Variants in TEX15 observed in about 807,000 individuals in gnomAD.
TEX15 encodes testis expressed 15, meiosis and synapsis associated, also known as testis-expressed protein 15.
In TEX15, 171 loss-of-function variants were observed where a neutral mutation model predicts 237.3. The observed-to-expected ratio is 0.72, with a 90% confidence interval of 0.64 to 0.82. The LOEUF (loss-of-function observed/expected upper bound fraction) is 0.82. Among genes scored for constraint, TEX15 ranks in the 40% least tolerant of loss-of-function variants. The pLI, the probability that TEX15 is intolerant of heterozygous loss-of-function variation, is 0.00. For missense variants in TEX15, 3,750 were observed against 3,646.5 expected, an observed-to-expected ratio of 1.03 and a Z score of -0.73; for synonymous variants, 1,338 against 1,269.8, an observed-to-expected ratio of 1.05 and a Z score of -1.14.
rs756300603 is a variant in TEX15, at chr8:30,847,979, CCA to C, written c.2186_2187del (p.Val729GlyfsTer3). 1 of 1,613,868 alleles carries C rather than the reference CCA, an allele frequency of 6.2e-7. No homozygotes were observed. Among genetic ancestry groups the C allele is most frequent in the African/African-American group, 1.3e-5 (1 of 75,038 alleles). ...CTTGTATGAATGTTACCCTCATACTCCACAGAGTGCTGAGGATGCTTTTGTGA... is the reference window on the plus strand; with the variant it reads ...CTTGTATGAATGTTACCCTCATACTCCAGAGTGCTGAGGATGCTTTTGTGA... The part of the protein sequence containing the change: ...SLSQKHPQHS[V>X]EYEGNIHTSL... On this transcript the variant is annotated frameshift_variant, in exon 8 of 11. Coordinates refer to ENST00000643185, the MANE Select transcript of TEX15 (RefSeq NM_001350162.2). LOFTEE classifies it high-confidence loss of function.
chr8:30,882,514 C>T (rs1270876138), intron 3 of TEX15, among the ~76,000 whole-genome samples: 1 of 152,126 alleles, frequency 6.6e-6, no homozygotes, highest in Non-Finnish European at 1.5e-5. Context: ...TCCCAATCTC[C>T]TGACCTTGTG....
At chr8:30,891,185 TTGCACTGTG>T (rs1808786622) in intron 2 of TEX15, among the ~76,000 whole-genome samples, 1 of 152,124 alleles carries the variant, frequency 6.6e-6, no homozygotes, top group Non-Finnish European at 1.5e-5. Flanking sequence ...TTTGTCCTCA[TTGCACTGTG>T]TGGGGTGAGT....
intron 2 of TEX15, among the ~76,000 whole-genome samples, chr8:30,889,954 C>CATATATATATATATACATATAT: frequency 9.1e-6 from 1 of 110,086 alleles, no homozygotes; most frequent in African/African-American, 4.5e-5. Context: ...TATATATATA[C>CATATATATATATATACATATAT]ATATATATAT....
Position 30,836,995 on chromosome 8 carries a change from A to C in TEX15, c.9289T>G (p.Phe3097Val). ...THSNLLYSQY[F>V]TYFAGEPQAN... The stretch of plus-strand genomic sequence containing the variant: ...TGTGGCTCCCCCGCAAAATAAGTAA[A>C]ATATTGAGAGTACAGAAGATTAGAA... The change falls in exon 10 of 11, where the codon TTT (phenylalanine) becomes GTT (valine). Residue 3097 changes from phenylalanine (F) to valine (V), a missense_variant. By Grantham distance (50) the Phe-to-Val change is conservative. Coordinates refer to ENST00000643185, the MANE Select transcript of TEX15 (RefSeq NM_001350162.2). 1 of 1,614,116 alleles carries C rather than the reference A, an allele frequency of 6.2e-7. No individual in the cohort carries two copies. The highest frequency in any genetic ancestry group is 2.2e-5 in the East Asian group (1 of 44,880).
chr8:30,848,832 T>C lies in TEX15; in HGVS notation c.1335A>G (p.Glu445=), dbSNP rs781656109. ...CATTTAAGCCTGCAGTACTACTCTG[T>C]TCTCCCATACTTTCTTCTCTCCTCA... ...RLMRREESMG[E]QSSTAGLNEV... Residue 445 remains glutamate, a synonymous_variant, in exon 8 of 11, where the codon GAA becomes GAG. Transcript: ENST00000643185. 5.0e-6 allele frequency: 8 copies of C among 1,614,220 alleles called. No homozygotes were observed. The highest frequency in any genetic ancestry group is 6.8e-6 in the Non-Finnish European group (8 of 1,180,042).
chr8:30,910,860 C>A (rs1224835656), intron 1 of TEX15, among the ~76,000 whole-genome samples: 2 of 151,946 alleles, frequency 1.3e-5, no homozygotes, highest in Non-Finnish European at 2.9e-5. Context: ...AATATCTTTG[C>A]AATAAGGTAA....
At chr8:30,863,741 A>C (rs1808100178) in intron 5 of TEX15, among the ~76,000 whole-genome samples, 1 of 152,192 alleles carries the variant, frequency 6.6e-6, no homozygotes, top group Non-Finnish European at 1.5e-5. Flanking sequence ...CACAGAGGGA[A>C]AAGTGCAGGC....
intron 5 of TEX15, among the ~76,000 whole-genome samples, chr8:30,864,743 A>G (rs1334916481): frequency 6.6e-6 from 1 of 152,004 alleles, no homozygotes; most frequent in African/African-American, 2.4e-5. Context: ...TGGTGTATAA[A>G]CCATCTTTTT....
chr8:30,895,196 T>C (rs115967045), intron 2 of TEX15, among the ~76,000 whole-genome samples: 3 of 147,626 alleles, frequency 2.0e-5, no homozygotes, highest in African/African-American at 7.5e-5. Context: ...AAATATGTAG[T>C]ATAATGACTT....
chr8:30,842,943 T>C lies in TEX15; in HGVS notation c.7224A>G (p.Leu2408=). 6.2e-7 allele frequency: 1 copy of C among 1,610,768 alleles called. No homozygotes were observed. Among genetic ancestry groups the C allele is most frequent in the Non-Finnish European group, 8.5e-7 (1 of 1,178,702 alleles). The change falls in exon 8 of 11, where the codon CTA becomes CTG. Residue 2408 remains leucine, a synonymous_variant. Transcript: ENST00000643185. ...AAATATTATCCATGTTATTATCTTG[T>C]AGCATCTGAAAGTATTTTTTTAAAA... ...LEILKKYFQM[L]QDNNMDNIFI...
chr8:30,836,362 C>T (rs182010025), intron 10 of TEX15, among the ~76,000 whole-genome samples: 38 of 151,706 alleles, frequency 2.5e-4, no homozygotes, highest in East Asian at 1.7e-3. Context: ...TACAGGTGTG[C>T]GCCACCATGC....
Position 30,845,875 on chromosome 8 carries a change from C to A in TEX15, c.4292G>T (p.Gly1431Val). ...NNFWESCDLQ[G>V]YSSVSQRKYY... ...TTTTCTTTGAGACACAGAACTATAA[C>A]CTTGAAGGTCACAACTTTCCCAGAA... Residue 1431 changes from glycine (G) to valine (V), a missense_variant, in exon 8 of 11, where the codon GGT becomes GTT. Physicochemically the swap from Gly to Val is moderately radical, Grantham distance 109 (BLOSUM62 -3). Coordinates refer to ENST00000643185, the MANE Select transcript of TEX15 (RefSeq NM_001350162.2). 1.2e-6 allele frequency: 2 copies of A among 1,613,086 alleles called. No individual in the cohort carries two copies. The highest frequency in any genetic ancestry group is 8.5e-7 in the Non-Finnish European group (1 of 1,179,550).
intron 4 of TEX15, among the ~76,000 whole-genome samples, chr8:30,869,861 CA>C (rs1387723023): frequency 9.2e-5 from 14 of 151,962 alleles, no homozygotes; most frequent in African/African-American, 3.4e-4. Flanking sequence ...CTAGCATATA[CA>C]AAGTACTCTT....
At chr8:30,874,223 A>C (rs896529176) in intron 4 of TEX15, among the ~76,000 whole-genome samples, 1 of 152,186 alleles carries the variant, frequency 6.6e-6, no homozygotes, top group African/African-American at 2.4e-5. Context: ...GAACAAGCCA[A>C]AACATTCCAA....
Position 30,844,405 on chromosome 8 carries a change from T to C in TEX15, c.5762A>G (p.Lys1921Arg), listed in dbSNP as rs1277292926. ...TTTAATTTCCCCCTTCTTCTCTCTT[T>C]TGTTAAGCGGATTAGAAACTGTGTT... is the stretch of plus-strand genomic sequence containing the variant. ...LKNTVSNPLN[K>R]REKKGEIKVS... The change falls in exon 8 of 11, where the codon AAA (lysine) becomes AGA (arginine). Residue 1921 changes from lysine (K) to arginine (R), a missense_variant. Transcript: ENST00000643185. 1 of 1,610,928 alleles carries C rather than the reference T, an allele frequency of 6.2e-7. No individual in the cohort carries two copies. Among genetic ancestry groups the C allele is most frequent in the Non-Finnish European group, 8.5e-7 (1 of 1,178,896 alleles).
intron 5 of TEX15, among the ~76,000 whole-genome samples, chr8:30,866,538 T>A (rs942534398): frequency 1.9e-4 from 29 of 152,282 alleles, no homozygotes; most frequent in South Asian, 1.7e-3. Flanking sequence ...TCTCATTTTT[T>A]AAAAATTTAA....
chr8:30,837,881 T>TA lies in TEX15; in HGVS notation c.8402dup (p.Leu2801PhefsTer6), dbSNP rs760604179. On this transcript the variant is annotated frameshift_variant, in exon 10 of 11. Coordinates refer to ENST00000643185, the MANE Select transcript of TEX15 (RefSeq NM_001350162.2). LOFTEE classifies it high-confidence loss of function. ...CACTGAAGTGATCAGATGAAACAGT[T>TA]AAGTCTATTTTGCTTTCCGACTTTG... The TA allele has an allele frequency of 2.0e-5, 33 of 1,614,096 alleles. No individual in the cohort carries two copies. The highest frequency in any genetic ancestry group is 1.7e-6 in the Non-Finnish European group (2 of 1,180,038).
rs202047261 is a variant in TEX15, at chr8:30,846,093, C to G, written c.4074G>C (p.Lys1358Asn). 39 of 1,613,426 alleles carry G rather than the reference C, an allele frequency of 2.4e-5. 1 individual carries two copies. In the East Asian group the frequency reaches 7.6e-4, roughly 31 times the overall value. ...CATCACTTAGGATATTTAGGACACT[C>G]TTAATGTGCTTTTCTGACTGTGAAA... is the stretch of plus-strand genomic sequence containing the variant. ...KTFSQSEKHI[K>N]SVLNILSDEA... Residue 1358 changes from lysine to asparagine, a missense_variant, in exon 8 of 11, where the codon AAG becomes AAC. Lys to Asn is a moderately conservative substitution (Grantham distance 94). Transcript: ENST00000643185.
intron 7 of TEX15, among the ~76,000 whole-genome samples, chr8:30,857,087 A>G (rs1807926654): frequency 6.6e-6 from 1 of 152,240 alleles, no homozygotes; most frequent in Non-Finnish European, 1.5e-5. Flanking sequence ...GCTCATGGCA[A>G]AAGGATAGGC....
Sources: allele counts gnomAD v4.1 joint callset (sites outside exome capture counted in the v4.1 genomes callset), GRCh38; gene constraint gnomAD v4.1.1; transcripts MANE v1.5; gene names NCBI Gene and HGNC (gene_info 2026-07-23, HGNC 2026-07-21).